MAP7: variants seen among roughly 807,000 people sequenced by gnomAD.
The protein encoded by MAP7 is ensconsin.
A neutral mutation model predicts 94.8 loss-of-function variants in MAP7; 52 were observed. The ratio of observed to expected loss-of-function variants is 0.55; its 90% CI spans 0.44 to 0.69. The LOEUF is 0.69. MAP7 is among the 30% of genes least tolerant of loss of function. The probability of loss-of-function intolerance (pLI) is 0.00; values close to 1 mark genes in which losing one functional copy is unlikely to be tolerated. For missense variants in MAP7, 940 were observed against 964.6 expected, an observed-to-expected ratio of 0.97 and a Z score of 0.34; for synonymous variants, 350 against 357.0, an observed-to-expected ratio of 0.98 and a Z score of 0.22.
At chr6:136,441,105 C>T (rs985441208) in intron 1 of MAP7, among the ~76,000 whole-genome samples, 4 of 151,978 alleles carry the variant, frequency 2.6e-5, no homozygotes, top group Non-Finnish European at 5.9e-5. Context: ...TGATGAACAC[C>T]GGTTGATTCT....
At chr6:136,372,678 C>T in intron 7 of MAP7, 53 bp from the exon 8 acceptor site, 1 of 1,611,522 alleles carries the variant, frequency 6.2e-7, no homozygotes, top group Non-Finnish European at 8.5e-7. Flanking sequence ...GTTTTACACA[C>T]AAGAGTGCCA....
intron 1 of MAP7, among the ~76,000 whole-genome samples, chr6:136,439,341 T>C (rs1171882634): frequency 6.6e-6 from 1 of 152,114 alleles, no homozygotes; most frequent in Non-Finnish European, 1.5e-5. Context: ...TTGCCCCTTT[T>C]ACTATATGAG....
Position 136,363,357 on chromosome 6 carries a change from A to G in MAP7, c.1274-655T>C, listed in dbSNP as rs561360213. Among the ~76,000 whole-genome samples the G allele has an allele frequency of 6.6e-5, 10 of 152,330 alleles. No individual in the cohort carries two copies. In the South Asian group the frequency reaches 2.1e-3, roughly 32 times the overall value. ...AGAGCTGGTGCCCCAGAAGCCCCACACTGATGCTCACAATTCTGCACCACA... is the reference window on the plus strand; with the variant it reads ...AGAGCTGGTGCCCCAGAAGCCCCACGCTGATGCTCACAATTCTGCACCACA... On this transcript the variant is annotated intron_variant, in intron 10 of 17. Transcript: ENST00000354570.
chr6:136,460,547 A>G (rs547912823), intron 1 of MAP7, among the ~76,000 whole-genome samples: 1 of 152,308 alleles, frequency 6.6e-6, no homozygotes, highest in South Asian at 2.1e-4. Context: ...TTTACATATC[A>G]TAGAAAGCAA....
intron 13 of MAP7, 82 bp downstream of exon 13, chr6:136,360,615 C>T (rs1228364130): frequency 3.4e-6 from 4 of 1,179,284 alleles, no homozygotes; most frequent in Middle Eastern, 1.9e-4. Flanking sequence ...GTAGAACACG[C>T]GTTTTCTGAC....
chr6:136,446,400 C>G (rs549095880), intron 1 of MAP7, among the ~76,000 whole-genome samples: 3 of 152,220 alleles, frequency 2.0e-5, no homozygotes, highest in Non-Finnish European at 4.4e-5. Context: ...AAGGGACACA[C>G]CACCATCCAG....
At chr6:136,420,219 GC>G in intron 2 of MAP7, 1 of 1,057,448 alleles carries the variant, frequency 9.5e-7, no homozygotes. Flanking sequence ...GCATTTCAGA[GC>G]CAGGAACATA....
chr6:136,417,421 C>A (rs1789859134), intron 2 of MAP7, among the ~76,000 whole-genome samples: 1 of 152,216 alleles, frequency 6.6e-6, no homozygotes, highest in African/African-American at 2.4e-5. Context: ...CATGCTACTA[C>A]AGAGCTCTCA....
In MAP7 at chr6:136,535,500, T is replaced by G. The variant is rs1828806584; in HGVS notation, c.67+14842A>C. Reference sequence around the variant, plus strand: ...AAAAATTACATACAATTCTCCAGCATAGTTCTGAAACCAACCTAGAGGAAG... The same window carrying G: ...AAAAATTACATACAATTCTCCAGCAGAGTTCTGAAACCAACCTAGAGGAAG... On this transcript the variant is annotated intron_variant, in intron 1 of 17. Transcript: ENST00000354570. Among the ~76,000 whole-genome samples the G allele has an allele frequency of 2.0e-5, 3 of 152,198 alleles. No individual in the cohort carries two copies. In the South Asian group the frequency reaches 6.2e-4, roughly 31 times the overall value.
intron 7 of MAP7, among the ~76,000 whole-genome samples, chr6:136,373,551 G>A (rs1435796393): frequency 1.3e-5 from 2 of 152,188 alleles, no homozygotes; most frequent in Non-Finnish European, 1.5e-5. Context: ...ACAACAGTGG[G>A]TTTAAGGAAA....
At chr6:136,456,289 A>G (rs1318524766) in intron 1 of MAP7, among the ~76,000 whole-genome samples, 1 of 152,214 alleles carries the variant, frequency 6.6e-6, no homozygotes, top group Non-Finnish European at 1.5e-5. Context: ...GAGACATAAG[A>G]AAACAAAAAT....
chr6:136,411,319 G>A (rs1787373177), intron 3 of MAP7, among the ~76,000 whole-genome samples: 3 of 152,116 alleles, frequency 2.0e-5, no homozygotes, highest in African/African-American at 7.2e-5. Flanking sequence ...ATGTAAAAAA[G>A]AACAATATGT....
At chr6:136,375,726 C>T (rs1208970044) in intron 7 of MAP7, among the ~76,000 whole-genome samples, 1 of 151,962 alleles carries the variant, frequency 6.6e-6, no homozygotes. Context: ...AATGTATTGA[C>T]AAAACAGGCA....
intron 16 of MAP7, among the ~76,000 whole-genome samples, chr6:136,348,878 G>A (rs371124137): frequency 2.0e-5 from 3 of 152,154 alleles, no homozygotes; most frequent in South Asian, 2.1e-4. Flanking sequence ...AACATTCTAC[G>A]AAAAGACAGC....
At chr6:136,364,664 C>A (rs1793787718) in intron 10 of MAP7, 1 of 171,418 alleles carries the variant, frequency 5.8e-6, no homozygotes, top group East Asian at 1.9e-4. Context: ...CATTCCTCCT[C>A]ATTCTCTCTT....
At chr6:136,410,973 T>C (rs1787254697) in intron 3 of MAP7, among the ~76,000 whole-genome samples, 1 of 152,242 alleles carries the variant, frequency 6.6e-6, no homozygotes, top group Admixed American at 6.5e-5. Flanking sequence ...TATCCTGTTT[T>C]AGCAAGTTTA....
intron 1 of MAP7, among the ~76,000 whole-genome samples, chr6:136,472,007 GATT>G (rs1809198387): frequency 6.6e-6 from 1 of 152,170 alleles, no homozygotes; most frequent in Non-Finnish European, 1.5e-5. Flanking sequence ...GCCCAGTCTA[GATT>G]ATTGGGGCTG....
chr6:136,515,785 A>AT (rs1371206176), intron 1 of MAP7, among the ~76,000 whole-genome samples: 1 of 152,216 alleles, frequency 6.6e-6, no homozygotes, highest in Non-Finnish European at 1.5e-5. Context: ...AACAGATAGA[A>AT]TAACAATGAA....
intron 1 of MAP7, among the ~76,000 whole-genome samples, chr6:136,449,890 C>A (rs1319844872): frequency 2.0e-5 from 3 of 152,172 alleles, no homozygotes; most frequent in Non-Finnish European, 4.4e-5. Flanking sequence ...ACTTTTTAAA[C>A]TCCATTTGGA....
Sources: allele counts gnomAD v4.1 joint callset (sites outside exome capture counted in the v4.1 genomes callset), GRCh38; gene constraint gnomAD v4.1.1; transcripts MANE v1.5; gene names NCBI Gene and HGNC (gene_info 2026-07-23, HGNC 2026-07-21).